SYN2: variants seen among roughly 807,000 people sequenced by gnomAD.
SYN2 encodes the protein synapsin-2.
A neutral mutation model predicts 50.9 loss-of-function variants in SYN2; 19 were observed. The observed-to-expected ratio is 0.37, with a 90% CI of 0.26 to 0.55. The LOEUF (loss-of-function observed/expected upper bound fraction) is 0.55. Ranked by LOEUF, SYN2 falls within the 20% of genes least tolerant of loss-of-function variation. SYN2 has a pLI of 0.81. For synonymous variants in SYN2, 255 were observed against 224.9 expected (o/e 1.13, Z -1.20); for missense variants, 587 against 576.4 (o/e 1.02, Z -0.19).
At chr3:12,015,747 T>C (rs1694017837) in intron 1 of SYN2, among the ~76,000 whole-genome samples, 1 of 152,218 alleles carries the variant, frequency 6.6e-6, no homozygotes, top group Non-Finnish European at 1.5e-5. Context: ...GCTGTTGTGC[T>C]CTCTGCTTCT....
intron 1 of SYN2, among the ~76,000 whole-genome samples, chr3:12,012,156 AACTTAG>A (rs966301223): frequency 3.3e-5 from 5 of 151,306 alleles, no homozygotes; most frequent in African/African-American, 1.2e-4. Context: ...AAGGCAATAT[AACTTAG>A]TTTTTTTTTT....
At position 12,093,907 on chromosome 3, in the gene SYN2, A is replaced by C. The variant is rs558568878; in HGVS notation, c.378-46744A>C. Among the ~76,000 whole-genome samples, 12 of 147,980 alleles carry C rather than the reference A, an allele frequency of 8.1e-5. No individual in the cohort carries two copies. The East Asian group carries it at 2.4e-3, about 30-fold the overall frequency. On this transcript the variant is annotated intron_variant, in intron 1 of 12. Coordinates refer to ENST00000621198, the MANE Select transcript of SYN2 (RefSeq NM_133625.6). ...AGTCTTGCTCTGTTGCCCAGGCTAG[A>C]GTGCAGTGGCATAATCTTGGTTCAC...
intron 1 of SYN2, among the ~76,000 whole-genome samples, chr3:12,104,134 T>C (rs1696130729): frequency 1.3e-5 from 2 of 152,188 alleles, no homozygotes; most frequent in Non-Finnish European, 2.9e-5. Context: ...TTTTAAATTT[T>C]ATTTATTTAT....
chr3:12,189,006 C>G (rs897791611), intron 12 of SYN2, among the ~76,000 whole-genome samples: 3 of 152,218 alleles, frequency 2.0e-5, no homozygotes, highest in African/African-American at 7.2e-5. Context: ...TGCCCCCACT[C>G]CCAGAGGCCA....
chr3:12,158,677 T>TGGACCTCGC, intron 5 of SYN2: 3 of 1,608,830 alleles, frequency 1.9e-6, no homozygotes, highest in Non-Finnish European at 8.5e-7. Flanking sequence ...CCCCCTGCTG[T>TGGACCTCGC]GGACCTCGCG....
At chr3:12,156,697 T>C (rs1162186715) in intron 5 of SYN2, 1 of 692,950 alleles carries the variant, frequency 1.4e-6, no homozygotes, top group Non-Finnish European at 2.5e-6. Flanking sequence ...AGCTCTGTTT[T>C]ATGCCCAAGA....
At chr3:12,183,608 T>A in intron 11 of SYN2, 1 of 1,462,076 alleles carries the variant, frequency 6.8e-7, no homozygotes, top group South Asian at 1.4e-5. Context: ...TCTGGTTGTT[T>A]ACCTGTTCCT....
At chr3:12,118,052 A>C (rs778407587) in intron 1 of SYN2, among the ~76,000 whole-genome samples, 1 of 152,250 alleles carries the variant, frequency 6.6e-6, no homozygotes, top group African/African-American at 2.4e-5. Flanking sequence ...ATGTTTGTGC[A>C]GTGCGAAGTA....
At chr3:12,127,422 C>G (rs1344402669) in intron 1 of SYN2, among the ~76,000 whole-genome samples, 1 of 152,186 alleles carries the variant, frequency 6.6e-6, no homozygotes, top group African/African-American at 2.4e-5. Flanking sequence ...CTTTAAGCCT[C>G]TGTTTCTTTG....
At chr3:12,034,763 C>G (rs1694459053) in intron 1 of SYN2, among the ~76,000 whole-genome samples, 1 of 152,242 alleles carries the variant, frequency 6.6e-6, no homozygotes. Flanking sequence ...CCTCATAACA[C>G]TGTTGCATTG....
intron 1 of SYN2, among the ~76,000 whole-genome samples, chr3:12,012,207 A>G (rs1465117058): frequency 6.6e-6 from 1 of 151,924 alleles, no homozygotes; most frequent in Non-Finnish European, 1.5e-5. Context: ...ACTCAGCTAT[A>G]TTTAATAATT....
At chr3:12,022,455 T>C (rs1033620157) in intron 1 of SYN2, among the ~76,000 whole-genome samples, 1 of 152,184 alleles carries the variant, frequency 6.6e-6, no homozygotes, top group African/African-American at 2.4e-5. Flanking sequence ...TTTGCCAGGC[T>C]GGAGTGCAGT....
chr3:12,124,880 C>T (rs192313237), intron 1 of SYN2, among the ~76,000 whole-genome samples: 39 of 152,010 alleles, frequency 2.6e-4, no homozygotes, highest in African/African-American at 9.2e-4. Flanking sequence ...AATATGCAAG[C>T]GATTTCAACA....
At position 12,191,312 on chromosome 3, in the gene SYN2, T is replaced by C; in HGVS notation, c.*687T>C. 2.8e-6 allele frequency: 1 copy of C among 361,156 alleles called. No individual in the cohort carries two copies. Among genetic ancestry groups the C allele is most frequent in the Non-Finnish European group, 3.9e-6 (1 of 259,438 alleles). The allele number at this position is 361,156 out of a possible 1,614,324, so 22.4% of individuals were successfully genotyped here. A position where few individuals can be genotyped will look rare whatever the true frequency, so the allele number is the denominator to read the frequency against. On this transcript the variant is annotated 3_prime_UTR_variant, in exon 13 of 13. Transcript: ENST00000621198. ...TCCAGAGCTGCACTATAGAGGAGAA[T>C]GCATGCCACTATGACAGCAGTATGC... is the stretch of plus-strand genomic sequence containing the variant.
At chr3:12,111,190 A>T (rs1401948785) in intron 1 of SYN2, among the ~76,000 whole-genome samples, 1 of 152,114 alleles carries the variant, frequency 6.6e-6, no homozygotes, top group East Asian at 1.9e-4. Flanking sequence ...GTCTCATGAG[A>T]TCTGATGGGT....
intron 5 of SYN2, chr3:12,156,965 T>G: frequency 6.6e-7 from 1 of 1,515,008 alleles, no homozygotes; most frequent in African/African-American, 1.4e-5. Flanking sequence ...AAGGCAATAT[T>G]GGGTCAGTGA....
chr3:12,178,569 A>G (rs1463216623), intron 10 of SYN2, among the ~76,000 whole-genome samples: 1 of 152,252 alleles, frequency 6.6e-6, no homozygotes, highest in South Asian at 2.1e-4. Flanking sequence ...TAAGCAATAT[A>G]CAGAAGGCAT....
chr3:12,082,818 T>C (rs567512114), intron 1 of SYN2, among the ~76,000 whole-genome samples: 66 of 152,180 alleles, frequency 4.3e-4, no homozygotes, highest in Non-Finnish European at 8.5e-4. Flanking sequence ...TTTGATGTAG[T>C]GTTGTCACTC....
intron 1 of SYN2, among the ~76,000 whole-genome samples, chr3:12,060,699 T>C (rs1334208379): frequency 6.6e-6 from 1 of 152,108 alleles, no homozygotes; most frequent in African/African-American, 2.4e-5. Flanking sequence ...ACTGGAGGAA[T>C]TTGAAGCCTC....
Sources: gnomAD v4.1 joint callset for allele counts (sites outside exome capture counted in the v4.1 genomes callset) on GRCh38, gnomAD v4.1.1 for gene constraint, MANE v1.5 for transcripts, NCBI Gene and HGNC (gene_info 2026-07-23, HGNC 2026-07-21) for gene names.